Variants in AFAP1 observed in about 807,000 individuals in gnomAD.
AFAP1 encodes actin filament associated protein 1.
AFAP1 carries 75 observed loss-of-function variants against 93.9 expected under a neutral mutation model. The observed-to-expected ratio is 0.80, with a 90% confidence interval of 0.66 to 0.97. The LOEUF is 0.97. Among genes scored for constraint, AFAP1 ranks in the 50% least tolerant of loss-of-function variants. AFAP1 has a pLI of 0.00. For missense variants in AFAP1, 1,201 were observed against 1,050.8 expected, an observed-to-expected ratio of 1.14 and a Z score of -1.98; for synonymous variants, 517 against 430.7, an observed-to-expected ratio of 1.20 and a Z score of -2.48.
At chr4:7,927,970 G>A (rs569777506) in intron 1 of AFAP1, among the ~76,000 whole-genome samples, 2 of 152,046 alleles carry the variant, frequency 1.3e-5, no homozygotes, top group Non-Finnish European at 2.9e-5. Context: ...CCTCCCTCCG[G>A]CCTAAATGCT....
At chr4:7,791,842 C>CAAAAAAAAAAA (rs111676909) in intron 11 of AFAP1, among the ~76,000 whole-genome samples, 2 of 140,566 alleles carry the variant, frequency 1.4e-5, no homozygotes, top group African/African-American at 2.6e-5. Flanking sequence ...AACCCTTAAT[C>CAAAAAAAAAAA]AAAAAAAAAC....
intron 1 of AFAP1, among the ~76,000 whole-genome samples, chr4:7,919,035 G>T: frequency 1.1e-5 from 1 of 87,386 alleles, no homozygotes; most frequent in African/African-American, 5.8e-5. Flanking sequence ...CAGGTCACCA[G>T]GAAACAGGGC....
Position 7,792,510 on chromosome 4 carries a change from G to A in AFAP1, c.1412+1171C>T, listed in dbSNP as rs1382950861. Among the ~76,000 whole-genome samples the A allele has an allele frequency of 3.9e-5, 6 of 152,208 alleles. No individual in the cohort carries two copies. In the East Asian group the frequency reaches 1.2e-3, roughly 29 times the overall value. ...AAATACTGCCAACTGTTTGCCTAGA[G>A]ATGATGGGTGTAGCTAGCTCATTTT... On this transcript the variant is annotated intron_variant, in intron 11 of 17. Coordinates refer to ENST00000420658, the MANE Select transcript of AFAP1 (RefSeq NM_001134647.2).
intron 6 of AFAP1, among the ~76,000 whole-genome samples, chr4:7,819,852 A>G (rs1720812093): frequency 6.6e-6 from 1 of 152,222 alleles, no homozygotes; most frequent in Non-Finnish European, 1.5e-5. Context: ...TCCTGGCTTT[A>G]GCCTTGGACA....
rs764541975 is a variant in AFAP1, at chr4:7,868,762, G to A, written c.128-43C>T. 4.5e-6 allele frequency: 7 copies of A among 1,555,842 alleles called. No homozygotes were observed. The East Asian group carries it at 9.0e-5, about 20-fold the overall frequency. On this transcript the variant is annotated intron_variant, in intron 2 of 17. Transcript: ENST00000420658. ...AACCACAGAACTGGATGAGGATGGG[G>A]ATGAGAAGGGTACCACTAGCATCTA...
chr4:7,806,584 C>G (rs1719536043), intron 9 of AFAP1, among the ~76,000 whole-genome samples: 1 of 152,196 alleles, frequency 6.6e-6, no homozygotes. Context: ...TTGGCAGGCT[C>G]AGTCTCAAGG....
chr4:7,810,740 C>A (rs977503628), intron 8 of AFAP1, among the ~76,000 whole-genome samples: 1 of 152,256 alleles, frequency 6.6e-6, no homozygotes. Context: ...TCTGGACCCG[C>A]ATGTGGGCAA....
chr4:7,816,672 T>C (rs1720508324), intron 7 of AFAP1, among the ~76,000 whole-genome samples: 1 of 152,174 alleles, frequency 6.6e-6, no homozygotes, highest in African/African-American at 2.4e-5. Flanking sequence ...CGTCAGTATC[T>C]GAATGAGGTA....
chr4:7,765,742 A>T (rs1714462215), intron 17 of AFAP1, among the ~76,000 whole-genome samples: 1 of 152,242 alleles, frequency 6.6e-6, no homozygotes, highest in Non-Finnish European at 1.5e-5. Context: ...CAGAAGGCAC[A>T]GACGCCAGGG....
At chr4:7,766,444 G>A (rs1255520235) in intron 17 of AFAP1, among the ~76,000 whole-genome samples, 1 of 152,156 alleles carries the variant, frequency 6.6e-6, no homozygotes, top group East Asian at 1.9e-4. Context: ...CCGAGGAAAT[G>A]GTAACATTCC....
intron 1 of AFAP1, among the ~76,000 whole-genome samples, chr4:7,893,676 C>G (rs2149209880): frequency 6.6e-6 from 1 of 152,042 alleles, no homozygotes; most frequent in South Asian, 2.1e-4. Flanking sequence ...GCTTCTCAAC[C>G]TTTCCTGGGG....
intron 1 of AFAP1, among the ~76,000 whole-genome samples, chr4:7,914,939 C>T (rs1040323680): frequency 3.3e-5 from 5 of 151,928 alleles, no homozygotes; most frequent in African/African-American, 4.8e-5. Flanking sequence ...AGTAGAGATG[C>T]GGTTTTACCA....
At position 7,793,724 on chromosome 4, in the gene AFAP1, C is replaced by G; in HGVS notation, c.1369G>C (p.Glu457Gln). 1 of 1,578,632 alleles carries G rather than the reference C, an allele frequency of 6.3e-7. No homozygotes were observed. Among genetic ancestry groups the G allele is most frequent in the South Asian group, 1.1e-5 (1 of 88,030 alleles). Reference sequence around the variant, plus strand: ...GTCTGAATGACACTTGCAGACATCTCCACATCAATGTAGTCATAGTGCAGA... The same window carrying G: ...GTCTGAATGACACTTGCAGACATCTGCACATCAATGTAGTCATAGTGCAGA... ...EALHYDYIDVEMSASVIQTAK... is the reference protein window; with the variant it reads ...EALHYDYIDVQMSASVIQTAK... Residue 457 changes from glutamate to glutamine, a missense_variant, in exon 11 of 18, where the codon GAG becomes CAG. Physicochemically the swap from Glu to Gln is conservative, Grantham distance 29. Transcript: ENST00000420658.
At chr4:7,846,588 T>C (rs1713727606) in intron 4 of AFAP1, among the ~76,000 whole-genome samples, 1 of 152,222 alleles carries the variant, frequency 6.6e-6, no homozygotes, top group African/African-American at 2.4e-5. Flanking sequence ...GAAGTAAAGA[T>C]TTAATGAGTC....
chr4:7,882,544 T>A (rs1447121851), intron 1 of AFAP1, among the ~76,000 whole-genome samples: 1 of 152,110 alleles, frequency 6.6e-6, no homozygotes, highest in African/African-American at 2.4e-5. Context: ...ATTACTACCA[T>A]GCCCTTACCA....
chr4:7,807,349 C>G (rs1719610968), intron 9 of AFAP1, among the ~76,000 whole-genome samples: 1 of 152,232 alleles, frequency 6.6e-6, no homozygotes, highest in Non-Finnish European at 1.5e-5. Flanking sequence ...GCAGTCCCAC[C>G]TTCCATGCGC....
intron 1 of AFAP1, among the ~76,000 whole-genome samples, chr4:7,872,930 TTTTTTTTTTAAAAAAA>T (rs1411064721): frequency 7.0e-6 from 1 of 141,948 alleles, no homozygotes; most frequent in East Asian, 2.2e-4. Flanking sequence ...TTTTTCCTTT[TTTTTTTTTTAAAAAAA>T]AAAAAAAAAA....
At chr4:7,887,560 G>A (rs1017976798) in intron 1 of AFAP1, among the ~76,000 whole-genome samples, 1 of 152,142 alleles carries the variant, frequency 6.6e-6, no homozygotes, top group African/African-American at 2.4e-5. Flanking sequence ...AACCAATTGA[G>A]CCAAAAATAG....
chr4:7,853,336 G>C (rs1389714978), intron 4 of AFAP1, among the ~76,000 whole-genome samples: 1 of 151,968 alleles, frequency 6.6e-6, no homozygotes, highest in Non-Finnish European at 1.5e-5. Flanking sequence ...TTTCTTAGAT[G>C]ATTCTGGGCT....
Sources: allele counts gnomAD v4.1 joint callset (sites outside exome capture counted in the v4.1 genomes callset), GRCh38; gene constraint gnomAD v4.1.1; transcripts MANE v1.5; gene names NCBI Gene and HGNC (gene_info 2026-07-23, HGNC 2026-07-21).